Variants in CLEC4D observed in about 807,000 individuals in gnomAD.
CLEC4D encodes C-type lectin domain family 4 member D.
CLEC4D carries 21 observed loss-of-function variants against 21.1 expected under a neutral mutation model. The ratio of observed to expected loss-of-function variants is 1.00; its 90% confidence interval spans 0.71 to 1.43. CLEC4D has a LOEUF of 1.43. Ranked by LOEUF, CLEC4D falls within the 40% of genes most tolerant of loss-of-function variation. The probability of loss-of-function intolerance (pLI) is 0.00; values close to 1 mark genes in which losing one functional copy is unlikely to be tolerated. For missense variants in CLEC4D, 289 were observed against 260.7 expected (o/e 1.11, Z -0.75); for synonymous variants, 85 against 83.1 (o/e 1.02, Z -0.12).
intron 1 of CLEC4D, among the ~76,000 whole-genome samples, chr12:8,514,565 A>G (rs1365193664): frequency 6.6e-6 from 1 of 152,186 alleles, no homozygotes; most frequent in Non-Finnish European, 1.5e-5. Context: ...TTAAAAATGG[A>G]TAAATGCCAC....
intron 5 of CLEC4D, among the ~76,000 whole-genome samples, chr12:8,520,633 T>G (rs927856245): frequency 6.6e-6 from 1 of 152,190 alleles, no homozygotes; most frequent in Non-Finnish European, 1.5e-5. Flanking sequence ...CGATAAAAAT[T>G]TTCTTTGAAA....
rs1940408545 is a variant in CLEC4D at position 8,518,223 on chromosome 12, C to CA, written c.182dup (p.His61GlnfsTer17). 2 of 1,440,774 alleles carry CA rather than the reference C, an allele frequency of 1.4e-6. No homozygotes were observed. The highest frequency in any genetic ancestry group is 2.8e-5 in the African/African-American group (2 of 71,708). 89.2% of individuals were successfully genotyped at this position (1,440,774 alleles called of 1,614,324 possible). On this transcript the variant is annotated frameshift_variant, in exon 3 of 6. Coordinates refer to ENST00000299665, the MANE Select transcript of CLEC4D (RefSeq NM_080387.5). LOFTEE classifies it high-confidence loss of function. ...CACAGGAGTGCACAAGTTAGAGCACCATGCAAAGCTCAAATGCATCAAAGA... is the reference window on the plus strand; with the variant it reads ...CACAGGAGTGCACAAGTTAGAGCACCAATGCAAAGCTCAAATGCATCAAAGA...
At chr12:8,531,087 C>T in the CLEC4D span, among the ~76,000 whole-genome samples, 6 of 152,134 alleles carry the variant, frequency 3.9e-5, no homozygotes, top group African/African-American at 7.2e-5. Flanking sequence ...CACGTATGGG[C>T]GTCCTCCTCA....
At chr12:8,526,812 T>C (rs1940510567), downstream of CLEC4D, among the ~76,000 whole-genome samples, 1 of 152,172 alleles carries the variant, frequency 6.6e-6, no homozygotes, top group South Asian at 2.1e-4. Flanking sequence ...TTCTTTTTCA[T>C]CTTTGTGAGT....
intron 2 of CLEC4D, among the ~76,000 whole-genome samples, chr12:8,516,216 T>G (rs751903794): frequency 1.3e-5 from 2 of 152,280 alleles, no homozygotes; most frequent in Non-Finnish European, 2.9e-5. Context: ...TAGAGAACGA[T>G]TTCTTAAACA....
Position 8,518,247 on chromosome 12 carries a change from G to C in CLEC4D, c.205G>C (p.Glu69Gln), listed in dbSNP as rs1940409569. Residue 69 changes from glutamate to glutamine, a missense_variant, in exon 3 of 6, where the codon GAG (glutamate) becomes CAG (glutamine). Transcript: ENST00000299665. ...EHHAKLKCIK[E>Q]KSELKSAEGS... ...CCATGCAAAGCTCAAATGCATCAAA[G>C]AGAAATCAGAACTGAAAAGTGCTGA... The C allele has an allele frequency of 1.5e-6, 2 of 1,314,506 alleles. No individual in the cohort carries two copies. Among genetic ancestry groups the C allele is most frequent in the African/African-American group, 1.4e-5 (1 of 69,392 alleles). 81.4% of individuals were successfully genotyped at this position (1,314,506 alleles called of 1,614,324 possible).
chr12:8,529,478 G>T, the CLEC4D span, among the ~76,000 whole-genome samples: 1 of 152,088 alleles, frequency 6.6e-6, no homozygotes, highest in Non-Finnish European at 1.5e-5. Context: ...AGCTGTGTTT[G>T]GTGGTGTGCA....
intron 2 of CLEC4D, among the ~76,000 whole-genome samples, chr12:8,516,543 A>G (rs1365427314): frequency 1.3e-5 from 2 of 152,268 alleles, no homozygotes; most frequent in African/African-American, 4.8e-5. Flanking sequence ...AATGCAACTC[A>G]CAGTGAGACA....
chr12:8,516,701 G>A (rs1192576900), intron 2 of CLEC4D, among the ~76,000 whole-genome samples: 1 of 152,216 alleles, frequency 6.6e-6, no homozygotes, highest in African/African-American at 2.4e-5. Flanking sequence ...CGCTATCATA[G>A]TTTACAATAT....
At chr12:8,525,441 C>T (rs764731931), downstream of CLEC4D, among the ~76,000 whole-genome samples, 13 of 152,036 alleles carry the variant, frequency 8.6e-5, no homozygotes, top group Admixed American at 1.3e-4. Flanking sequence ...TTTTGTTTAC[C>T]GTTATGTAAT....
chr12:8,518,307 T>C, intron 3 of CLEC4D, 33 bp downstream of exon 3: 1 of 840,910 alleles, frequency 1.2e-6, no homozygotes. Flanking sequence ...TTTTTTAATT[T>C]CCATTTTCGT....
the CLEC4D span, among the ~76,000 whole-genome samples, chr12:8,529,383 G>A: frequency 6.6e-5 from 10 of 152,340 alleles, no homozygotes; most frequent in South Asian, 1.7e-3. Flanking sequence ...GGGAGGCCAA[G>A]GTGGGAGGAT....
At chr12:8,517,277 T>C (rs1051461120) in intron 2 of CLEC4D, among the ~76,000 whole-genome samples, 1 of 152,094 alleles carries the variant, frequency 6.6e-6, no homozygotes, top group Non-Finnish European at 1.5e-5. Flanking sequence ...TTTTTTACAT[T>C]TGTTTATTTT....
intron 1 of CLEC4D, among the ~76,000 whole-genome samples, chr12:8,514,944 A>G (rs1356722336): frequency 6.6e-6 from 1 of 152,012 alleles, no homozygotes; most frequent in Non-Finnish European, 1.5e-5. Flanking sequence ...TGTTATATAG[A>G]AGTTTTAATT....
intron 1 of CLEC4D, among the ~76,000 whole-genome samples, chr12:8,514,693 C>T (rs1940353631): frequency 6.6e-6 from 1 of 152,054 alleles, no homozygotes; most frequent in Non-Finnish European, 1.5e-5. Context: ...ACTTAATTTA[C>T]TTAAAAAATC....
In CLEC4D at chr12:8,519,022, C is replaced by A. The variant is rs757573569; in HGVS notation, c.246C>A (p.Asn82Lys). Reference sequence around the variant, plus strand: ...TTTTCACTTGAGGGAGCACCTGGAACTGTTGTCCTATTGACTGGAGAGCCT... The same window carrying A: ...TTTTCACTTGAGGGAGCACCTGGAAATGTTGTCCTATTGACTGGAGAGCCT... ...ELKSAEGSTW[N>K]CCPIDWRAFQ... Residue 82 changes from asparagine (N) to lysine (K), a missense_variant, in exon 4 of 6, where the codon AAC (asparagine) becomes AAA (lysine). Physicochemically the swap from Asn to Lys is moderately conservative, Grantham distance 94. Transcript: ENST00000299665. 6.2e-7 allele frequency: 1 copy of A among 1,613,696 alleles called. No homozygotes were observed. Among genetic ancestry groups the A allele is most frequent in the African/African-American group, 1.3e-5 (1 of 74,912 alleles).
intron 2 of CLEC4D, among the ~76,000 whole-genome samples, chr12:8,517,819 G>A (rs761335661): frequency 7.2e-5 from 11 of 152,168 alleles, no homozygotes; most frequent in Middle Eastern, 3.4e-3. Flanking sequence ...GGTGGCGGGC[G>A]CCTGTAGTCC....
downstream of CLEC4D, among the ~76,000 whole-genome samples, chr12:8,527,016 G>C (rs12310530): frequency 0.27 from 41,164 of 151,682 alleles, 6,412 homozygotes; most frequent in African/African-American, 0.44. Flanking sequence ...TCACTCCCGT[G>C]CTTGCAGATG....
At chr12:8,523,816 A>T (rs938262940), downstream of CLEC4D, among the ~76,000 whole-genome samples, 1 of 152,124 alleles carries the variant, frequency 6.6e-6, no homozygotes, top group Non-Finnish European at 1.5e-5. Flanking sequence ...CCCATTCAAT[A>T]TGATATATTG....
Sources: allele counts gnomAD v4.1 joint callset (sites outside exome capture counted in the v4.1 genomes callset), GRCh38; gene constraint gnomAD v4.1.1; transcripts MANE v1.5; gene names NCBI Gene and HGNC (gene_info 2026-07-23, HGNC 2026-07-21).